The following ATRNL1 variants were observed in gnomAD, a reference collection of about 807,000 sequenced individuals.
ATRNL1 encodes the protein attractin-like protein 1.
Under a neutral mutation model 182.7 loss-of-function variants are expected in ATRNL1, and 95 were observed. The ratio of observed to expected loss-of-function variants is 0.52; its 90% CI spans 0.44 to 0.62. The LOEUF is 0.62. Among genes scored for constraint, ATRNL1 ranks in the 20% least tolerant of loss-of-function variants. The pLI is 0.00. For missense variants in ATRNL1, 1,471 were observed against 1,679.5 expected, an observed-to-expected ratio of 0.88 and a Z score of 2.17; for synonymous variants, 576 against 568.3, an observed-to-expected ratio of 1.01 and a Z score of -0.19.
At chr10:115,154,889 G>A (rs782755207) in intron 5 of ATRNL1, among the ~76,000 whole-genome samples, 2 of 152,032 alleles carry the variant, frequency 1.3e-5, no homozygotes, top group Non-Finnish European at 2.9e-5. Flanking sequence ...TCACCCCTAC[G>A]GCCCAAAGAT....
At chr10:115,821,078 A>T (rs1362049145) in intron 27 of ATRNL1, among the ~76,000 whole-genome samples, 2 of 152,082 alleles carry the variant, frequency 1.3e-5, no homozygotes, top group Non-Finnish European at 2.9e-5. Context: ...ACCTTCCACC[A>T]TGATTATAAA....
At chr10:115,320,344 C>T (rs1854520066) in intron 18 of ATRNL1, among the ~76,000 whole-genome samples, 1 of 151,960 alleles carries the variant, frequency 6.6e-6, no homozygotes, top group African/African-American at 2.4e-5. Flanking sequence ...TTCATTTCGC[C>T]CTTAGAGAAT....
chr10:115,220,249 CT>C (rs1187157382), intron 9 of ATRNL1: 3 of 152,228 alleles, frequency 2.0e-5, no homozygotes, highest in Admixed American at 6.5e-5. Flanking sequence ...ATGCTGTTAG[CT>C]ACTAAGAATG....
At chr10:115,098,723 C>T (rs1476197591) in intron 1 of ATRNL1, among the ~76,000 whole-genome samples, 2 of 151,960 alleles carry the variant, frequency 1.3e-5, no homozygotes, top group African/African-American at 4.8e-5. Context: ...TCCTAAAGTG[C>T]TGGGATTACA....
intron 27 of ATRNL1, among the ~76,000 whole-genome samples, chr10:115,808,959 A>C (rs1176978685): frequency 6.6e-6 from 1 of 151,900 alleles, no homozygotes; most frequent in East Asian, 1.9e-4. Context: ...TAGGAGTTTT[A>C]TTGCTTTTAT....
chr10:115,510,658 C>T (rs782253465), intron 24 of ATRNL1, among the ~76,000 whole-genome samples: 5 of 151,966 alleles, frequency 3.3e-5, no homozygotes, highest in Non-Finnish European at 7.4e-5. Context: ...CACTTTATTG[C>T]GATATTAACT....
At chr10:115,302,131 A>C in intron 17 of ATRNL1, 88 bp downstream of exon 17, 1 of 1,270,570 alleles carries the variant, frequency 7.9e-7, no homozygotes, top group Non-Finnish European at 1.1e-6. Context: ...TATTTGAAGA[A>C]GTTTCAAAAA....
intron 21 of ATRNL1, among the ~76,000 whole-genome samples, chr10:115,461,062 G>A (rs1320941896): frequency 3.9e-5 from 6 of 151,970 alleles, no homozygotes; most frequent in Admixed American, 2.6e-4. Flanking sequence ...TACGAATAAT[G>A]CCTTAATAGT....
intron 5 of ATRNL1, among the ~76,000 whole-genome samples, chr10:115,140,546 A>G (rs1554877795): frequency 6.6e-6 from 1 of 152,170 alleles, no homozygotes; most frequent in Non-Finnish European, 1.5e-5. Context: ...CCTATTCTAC[A>G]GAGAACAGTG....
intron 19 of ATRNL1, among the ~76,000 whole-genome samples, chr10:115,355,938 AAAG>A (rs1446793621): frequency 1.3e-5 from 2 of 151,990 alleles, no homozygotes; most frequent in African/African-American, 4.8e-5. Flanking sequence ...TTTGGGGAAA[AAAG>A]AGTTCTTTCA....
intron 27 of ATRNL1, among the ~76,000 whole-genome samples, chr10:115,758,670 C>T (rs192479349): frequency 2.5e-4 from 38 of 152,330 alleles, no homozygotes; most frequent in Admixed American, 1.9e-3. Flanking sequence ...CTGGGAGAAC[C>T]GCTGCTCTCT....
At chr10:115,370,828 TG>T in intron 19 of ATRNL1, among the ~76,000 whole-genome samples, 1 of 151,412 alleles carries the variant, frequency 6.6e-6, no homozygotes, top group South Asian at 2.1e-4. Flanking sequence ...ACCAAGACAG[TG>T]GGGGGAAATG....
chr10:115,448,868 A>G (rs1470785250), intron 21 of ATRNL1, among the ~76,000 whole-genome samples: 1 of 151,998 alleles, frequency 6.6e-6, no homozygotes, highest in Non-Finnish European at 1.5e-5. Flanking sequence ...CAACAACAAC[A>G]ACAACAACAA....
chr10:115,109,701 C>A (rs1554867353), intron 1 of ATRNL1, among the ~76,000 whole-genome samples: 1 of 152,132 alleles, frequency 6.6e-6, no homozygotes, highest in Admixed American at 6.5e-5. Context: ...TCTCTTTCCT[C>A]CTTTCTGTCT....
chr10:115,493,203 A>G (rs985929152), intron 24 of ATRNL1, among the ~76,000 whole-genome samples: 1 of 152,162 alleles, frequency 6.6e-6, no homozygotes, highest in African/African-American at 2.4e-5. Context: ...TGTACAGATT[A>G]TTTCATTGCC....
At position 115,442,297 on chromosome 10, in the gene ATRNL1, C is replaced by CTCTCTCTCTCTCTT. The variant is rs1385253722; in HGVS notation, c.3322+16002_3322+16003insCTCTCTTTCTCTCT. ...TCTCTCTCTCTCTCTCTCTCTCTCT[C>CTCTCTCTCTCTCTT]TCTCTCTGTGTGTATGTGTGTGTGT... On this transcript the variant is annotated intron_variant, in intron 21 of 28. Coordinates refer to ENST00000355044, the MANE Select transcript of ATRNL1 (RefSeq NM_207303.4). Among the ~76,000 whole-genome samples, 68 of 134,086 alleles carry CTCTCTCTCTCTCTT rather than the reference C, an allele frequency of 5.1e-4. 1 individual carries two copies. The highest frequency in any genetic ancestry group is 8.5e-3 in the Middle Eastern group (2 of 236). The allele number at this position is 134,086 out of a possible 152,430, so 88.0% of individuals were successfully genotyped here.
intron 28 of ATRNL1, among the ~76,000 whole-genome samples, chr10:115,864,175 C>T (rs1951379660): frequency 6.6e-6 from 1 of 151,734 alleles, no homozygotes; most frequent in African/African-American, 2.4e-5. Context: ...GGGAGGATCG[C>T]TTGATCCCAT....
intron 1 of ATRNL1, among the ~76,000 whole-genome samples, chr10:115,119,049 G>A (rs1844611573): frequency 6.6e-6 from 1 of 152,066 alleles, no homozygotes; most frequent in Admixed American, 6.6e-5. Flanking sequence ...GCAACACATT[G>A]TGTTTATAGT....
intron 24 of ATRNL1, among the ~76,000 whole-genome samples, chr10:115,508,492 G>T (rs1056128596): frequency 3.3e-5 from 5 of 151,982 alleles, no homozygotes; most frequent in Non-Finnish European, 5.9e-5. Context: ...CTTGTCCGAA[G>T]AATTAGCTGA....
Sources: allele counts gnomAD v4.1 joint callset (sites outside exome capture counted in the v4.1 genomes callset), GRCh38; gene constraint gnomAD v4.1.1; transcripts MANE v1.5; gene names NCBI Gene and HGNC (gene_info 2026-07-23, HGNC 2026-07-21).